Variants in SPTLC3 observed in about 807,000 individuals in gnomAD.
The protein encoded by SPTLC3 is serine palmitoyltransferase 3.
In SPTLC3, 36 loss-of-function variants were observed where a neutral mutation model predicts 59.3. That is an observed-to-expected ratio of 0.61 (90% CI 0.47 to 0.80). SPTLC3 has a LOEUF of 0.80. Among genes scored for constraint, SPTLC3 ranks in the 30% least tolerant of loss-of-function variants. The pLI is 0.00. For missense variants in SPTLC3, 625 were observed against 685.1 expected (o/e 0.91, Z 0.98); for synonymous variants, 257 against 240.8 (o/e 1.07, Z -0.62).
rs919027314 is a variant in SPTLC3, at chr20:13,090,956, G to A, written c.608-127G>A. On this transcript the variant is annotated intron_variant, in intron 4 of 11. Coordinates refer to ENST00000399002, the MANE Select transcript of SPTLC3 (RefSeq NM_018327.4). Reference sequence around the variant, plus strand: ...GGGCTGTTTCTAGATTAGGGCAATGGCAAATCTTCCTGCTACAAGCACTCT... The same window carrying A: ...GGGCTGTTTCTAGATTAGGGCAATGACAAATCTTCCTGCTACAAGCACTCT... The A allele has an allele frequency of 1.5e-4, 194 of 1,308,762 alleles. 2 individuals carry two copies. Among genetic ancestry groups the A allele is most frequent in the Non-Finnish European group, 3.6e-5 (34 of 956,668 alleles). The allele number at this position is 1,308,762 out of a possible 1,614,324, so 81.1% of individuals were successfully genotyped here.
chr20:13,103,915 T>C (rs1008700130), intron 6 of SPTLC3, among the ~76,000 whole-genome samples: 3 of 152,220 alleles, frequency 2.0e-5, no homozygotes, highest in Admixed American at 6.5e-5. Context: ...CCTACCTTCT[T>C]GGAAGATTCT....
chr20:13,139,824 C>T (rs1209528030), intron 9 of SPTLC3, among the ~76,000 whole-genome samples: 3 of 152,022 alleles, frequency 2.0e-5, no homozygotes, highest in African/African-American at 4.8e-5. Flanking sequence ...ACTCTTGACC[C>T]GGAATAGAAT....
chr20:13,090,418 A>G (rs554082071), intron 4 of SPTLC3, among the ~76,000 whole-genome samples: 21 of 152,354 alleles, frequency 1.4e-4, no homozygotes, highest in Middle Eastern at 3.4e-3. Context: ...ATTGGTATCT[A>G]TGGAAATCAT....
At chr20:13,130,173 T>C (rs2038091102) in intron 9 of SPTLC3, among the ~76,000 whole-genome samples, 1 of 152,228 alleles carries the variant, frequency 6.6e-6, no homozygotes. Flanking sequence ...CAACAATGGC[T>C]GCTTTAAATC....
At chr20:13,035,524 G>A (rs980725809) in intron 1 of SPTLC3, among the ~76,000 whole-genome samples, 22 of 152,116 alleles carry the variant, frequency 1.4e-4, no homozygotes, top group African/African-American at 4.6e-4. Flanking sequence ...TACACCAGGT[G>A]CCTTCCGAAA....
intron 1 of SPTLC3, among the ~76,000 whole-genome samples, chr20:13,028,344 A>T (rs1986260571): frequency 6.6e-6 from 1 of 152,112 alleles, no homozygotes; most frequent in Non-Finnish European, 1.5e-5. Context: ...AGTCCAGTGG[A>T]ATCAGACTTC....
At chr20:13,023,234 C>T (rs969365644) in intron 1 of SPTLC3, among the ~76,000 whole-genome samples, 2 of 140,212 alleles carry the variant, frequency 1.4e-5, no homozygotes, top group Admixed American at 7.8e-5. Context: ...CTTAATTGTT[C>T]TCTTTAGCAT....
chr20:13,092,072 A>C (rs891168208), intron 5 of SPTLC3, among the ~76,000 whole-genome samples: 1 of 152,196 alleles, frequency 6.6e-6, no homozygotes, highest in African/African-American at 2.4e-5. Flanking sequence ...AGCTGCCCAA[A>C]ACCCTTCCTG....
At chr20:13,108,118 G>A (rs1990007946) in intron 6 of SPTLC3, among the ~76,000 whole-genome samples, 1 of 152,108 alleles carries the variant, frequency 6.6e-6, no homozygotes. Flanking sequence ...CAGCTTGGAA[G>A]GTGCCATGCT....
At chr20:13,139,754 C>T (rs915132304) in intron 9 of SPTLC3, among the ~76,000 whole-genome samples, 1 of 152,220 alleles carries the variant, frequency 6.6e-6, no homozygotes, top group African/African-American at 2.4e-5. Flanking sequence ...CCACCCAGGA[C>T]ATTCTTTCCT....
intron 6 of SPTLC3, among the ~76,000 whole-genome samples, chr20:13,101,464 A>C (rs114639072): frequency 6.6e-6 from 1 of 152,168 alleles, no homozygotes; most frequent in Non-Finnish European, 1.5e-5. Flanking sequence ...AGAATGCTGA[A>C]GTTTGGCCTC....
rs544254804 is a variant in SPTLC3, at chr20:13,055,713, C to CCTA, written c.303+6586_303+6588dup. Among the ~76,000 whole-genome samples the CCTA allele has an allele frequency of 4.1e-4, 63 of 152,194 alleles. 2 individuals carry two copies. Among genetic ancestry groups the CCTA allele is most frequent in the South Asian group, 3.3e-3 (16 of 4,814 alleles). ...ACATGAAGAGTTGTTTCCTAGAAAG[C>CCTA]CTACTCTGGGATGGGGGCCTGAATG... On this transcript the variant is annotated intron_variant, in intron 2 of 11. Coordinates refer to ENST00000399002, the MANE Select transcript of SPTLC3 (RefSeq NM_018327.4).
intron 4 of SPTLC3, 112 bp downstream of exon 4, chr20:13,074,609 ACTGC>A: frequency 8.1e-7 from 1 of 1,236,966 alleles, no homozygotes; most frequent in Middle Eastern, 2.0e-4. Context: ...GGTGTTATAA[ACTGC>A]AGAAAGAAAA....
rs183851208 is a variant in SPTLC3 at position 13,048,097 on chromosome 20, T to C, written c.118-848T>C. On this transcript the variant is annotated intron_variant, in intron 1 of 11. Coordinates refer to ENST00000399002, the MANE Select transcript of SPTLC3 (RefSeq NM_018327.4). ...AAAGACAAAGAAGGGCATTACATAATTGTAAAGGGATCAGTGCAACAAGAA... is the reference window on the plus strand; with the variant it reads ...AAAGACAAAGAAGGGCATTACATAACTGTAAAGGGATCAGTGCAACAAGAA... 4.1e-4 allele frequency among the ~76,000 whole-genome samples: 63 copies of C among 152,278 alleles called. 2 individuals are homozygous for C. The highest frequency in any genetic ancestry group is 3.3e-3 in the South Asian group (16 of 4,824).
At chr20:13,081,876 C>T (rs1306039646) in intron 4 of SPTLC3, among the ~76,000 whole-genome samples, 1 of 152,116 alleles carries the variant, frequency 6.6e-6, no homozygotes, top group Admixed American at 6.6e-5. Context: ...GAGAATGGGA[C>T]TCTTGGAGGA....
chr20:13,148,767 T>C (rs2038575889), intron 9 of SPTLC3, among the ~76,000 whole-genome samples: 1 of 152,192 alleles, frequency 6.6e-6, no homozygotes, highest in Admixed American at 6.5e-5. Flanking sequence ...CCAGAGATCC[T>C]GATTTAATGG....
chr20:13,118,638 G>A (rs1446471913), intron 8 of SPTLC3, among the ~76,000 whole-genome samples: 5 of 152,098 alleles, frequency 3.3e-5, no homozygotes, highest in Non-Finnish European at 5.9e-5. Flanking sequence ...CTGTCCCAAA[G>A]AGCAGATGTG....
At chr20:13,072,470 A>T in intron 3 of SPTLC3, 60 bp downstream of exon 3, 12 of 1,460,524 alleles carry the variant, frequency 8.2e-6, no homozygotes, top group Non-Finnish European at 1.1e-5. Context: ...AAATCCTAGC[A>T]TGGCCACTAG....
rs1290339984 is a variant in SPTLC3 at position 13,160,017 on chromosome 20, A to C, written c.1430A>C (p.His477Pro). 1.2e-6 allele frequency: 2 copies of C among 1,612,548 alleles called. No homozygotes were observed. The highest frequency in any genetic ancestry group is 2.7e-5 in the African/African-American group (2 of 74,614). Residue 477 changes from histidine (H) to proline (P), a missense_variant, in exon 11 of 12, where the codon CAT becomes CCT. By Grantham distance (77) the His-to-Pro change is moderately conservative. Transcript: ENST00000399002. ...MPGKVAAFAR[H>P]MLEKKIGVVV... ...TTTTCCTTAAGGGCTTTTGCAAGGC[A>C]TATGCTAGAGAAAAAAATTGGAGTG... is the stretch of plus-strand genomic sequence containing the variant.
Sources: gnomAD v4.1 joint callset for allele counts (sites outside exome capture counted in the v4.1 genomes callset) on GRCh38, gnomAD v4.1.1 for gene constraint, MANE v1.5 for transcripts, NCBI Gene and HGNC (gene_info 2026-07-23, HGNC 2026-07-21) for gene names.